BABAM2: variants seen among roughly 807,000 people sequenced by gnomAD.
The protein encoded by BABAM2 is BRISC and BRCA1 A complex member 2.
Under a neutral mutation model 54.7 loss-of-function variants are expected in BABAM2, and 31 were observed. The ratio of observed to expected loss-of-function variants is 0.57; its 90% CI spans 0.43 to 0.77. BABAM2 has a LOEUF of 0.77. BABAM2 is among the 30% of genes least tolerant of loss of function. The pLI is 0.00. For missense variants in BABAM2, 364 were observed against 455.8 expected (o/e 0.80, Z 1.83); for synonymous variants, 167 against 162.9 (o/e 1.03, Z -0.19).
At chr2:28,314,163 T>G (rs917305036) in intron 11 of BABAM2, among the ~76,000 whole-genome samples, 1 of 152,192 alleles carries the variant, frequency 6.6e-6, no homozygotes, top group African/African-American at 2.4e-5. Context: ...AATTGTAAAA[T>G]GTATTGAATA....
intron 6 of BABAM2, among the ~76,000 whole-genome samples, chr2:28,069,511 T>C (rs920807797): frequency 6.6e-6 from 1 of 152,206 alleles, no homozygotes; most frequent in African/African-American, 2.4e-5. Context: ...CTGTTTCAGA[T>C]AGGCCTTCTT....
intron 10 of BABAM2, among the ~76,000 whole-genome samples, chr2:28,269,538 G>A (rs1381535235): frequency 6.6e-6 from 1 of 152,152 alleles, no homozygotes; most frequent in Non-Finnish European, 1.5e-5. Context: ...TACCTAGTTG[G>A]GAGTGACTTT....
chr2:28,182,306 T>A (rs547972505), intron 7 of BABAM2, among the ~76,000 whole-genome samples: 1 of 152,286 alleles, frequency 6.6e-6, no homozygotes, highest in Non-Finnish European at 1.5e-5. Context: ...TGCAAGAAGA[T>A]ATTACAGGGT....
chr2:28,033,523 G>C (rs554014570), intron 5 of BABAM2, among the ~76,000 whole-genome samples: 22 of 152,144 alleles, frequency 1.4e-4, no homozygotes, highest in African/African-American at 4.3e-4. Context: ...TAGCATGCTC[G>C]CTTAGGTCAA....
At chr2:28,267,438 T>TAC (rs35450423) in intron 10 of BABAM2, among the ~76,000 whole-genome samples, 7,598 of 141,758 alleles carry the variant, frequency 0.054, 202 homozygotes, top group East Asian at 0.086. Context: ...CACACACACA[T>TAC]ACACACACAC....
intron 6 of BABAM2, among the ~76,000 whole-genome samples, chr2:28,072,888 A>G (rs890852328): frequency 3.3e-5 from 5 of 152,264 alleles, no homozygotes; most frequent in African/African-American, 7.2e-5. Context: ...CCTAGTTCCA[A>G]TAATTATCAC....
intron 7 of BABAM2, among the ~76,000 whole-genome samples, chr2:28,202,469 C>T (rs1463321681): frequency 6.6e-6 from 1 of 152,050 alleles, no homozygotes; most frequent in Non-Finnish European, 1.5e-5. Context: ...TCAAGGACTA[C>T]TTTCCTATAA....
At chr2:28,140,379 A>G (rs910593381) in intron 7 of BABAM2, among the ~76,000 whole-genome samples, 39 of 152,182 alleles carry the variant, frequency 2.6e-4, no homozygotes, top group African/African-American at 7.7e-4. Context: ...AACCTTTTAT[A>G]TGGGCATAGG....
intron 7 of BABAM2, among the ~76,000 whole-genome samples, chr2:28,150,849 A>G (rs1671958823): frequency 6.6e-6 from 1 of 152,230 alleles, no homozygotes; most frequent in Non-Finnish European, 1.5e-5. Flanking sequence ...CAGCAACTGC[A>G]GTTTCATTCT....
intron 2 of BABAM2, among the ~76,000 whole-genome samples, chr2:27,916,720 T>G (rs764997554): frequency 2.0e-5 from 3 of 152,218 alleles, no homozygotes; most frequent in Non-Finnish European, 2.9e-5. Flanking sequence ...TTCCCCTCAC[T>G]TGGCCAGATC....
chr2:28,272,934 C>T (rs1313397899), intron 10 of BABAM2, among the ~76,000 whole-genome samples: 1 of 152,180 alleles, frequency 6.6e-6, no homozygotes. Flanking sequence ...AGGCTGGGAT[C>T]TGTCTCACTG....
chr2:27,903,826 T>C (rs1270670738), intron 2 of BABAM2, among the ~76,000 whole-genome samples: 1 of 152,250 alleles, frequency 6.6e-6, no homozygotes, highest in Non-Finnish European at 1.5e-5. Flanking sequence ...GAAGATTTGT[T>C]CTTATGTTAG....
chr2:28,147,187 G>A (rs148707650), intron 7 of BABAM2, among the ~76,000 whole-genome samples: 3 of 152,340 alleles, frequency 2.0e-5, no homozygotes, highest in Non-Finnish European at 4.4e-5. Context: ...TAGGTGCCAT[G>A]ACAGGTTTAC....
chr2:28,152,529 C>T (rs1175006393), intron 7 of BABAM2, among the ~76,000 whole-genome samples: 1 of 152,032 alleles, frequency 6.6e-6, no homozygotes, highest in East Asian at 1.9e-4. Context: ...GAGTCTTCCT[C>T]GGTTTTACTG....
intron 7 of BABAM2, among the ~76,000 whole-genome samples, chr2:28,197,983 G>A (rs1266026159): frequency 2.6e-5 from 4 of 152,090 alleles, no homozygotes; most frequent in South Asian, 2.1e-4. Context: ...TGTCCAAGGC[G>A]GGAACCCCGT....
Position 28,102,978 on chromosome 2 carries a change from G to A in BABAM2, c.571-26293G>A, listed in dbSNP as rs527566248. 6.6e-5 allele frequency among the ~76,000 whole-genome samples: 10 copies of A among 152,252 alleles called. 1 individual carries two copies. The South Asian group carries it at 2.1e-3, about 32-fold the overall frequency. On this transcript the variant is annotated intron_variant, in intron 6 of 11. Transcript: ENST00000379624. ...TACAAACTGAATTATGTCAGTTTGA[G>A]TAATCTATAAACGGCCTATAGTTTT...
chr2:27,995,606 G>GTC lies in BABAM2; in HGVS notation c.300+7521_300+7522dup, dbSNP rs1027620595. ...TGTTTGTTTGTTTTTCTTAGATGGAGTCTTGCTCTGTTGCCCAGGCTAGAG... is the reference window on the plus strand; with the variant it reads ...TGTTTGTTTGTTTTTCTTAGATGGAGTCTCTTGCTCTGTTGCCCAGGCTAGAG... On this transcript the variant is annotated intron_variant, in intron 4 of 11. Coordinates refer to ENST00000379624, the MANE Select transcript of BABAM2 (RefSeq NM_199191.3). This position sits in a 1 kb window ranked among gnomAD's most constrained non-coding sequence, Gnocchi z 4.1. Among the ~76,000 whole-genome samples the GTC allele has an allele frequency of 5.3e-5, 8 of 152,090 alleles. No homozygotes were observed. Among genetic ancestry groups the GTC allele is most frequent in the African/African-American group, 1.9e-4 (8 of 41,428 alleles).
At chr2:27,936,094 A>G (rs1000774599) in intron 3 of BABAM2, among the ~76,000 whole-genome samples, 8 of 151,890 alleles carry the variant, frequency 5.3e-5, no homozygotes, top group Non-Finnish European at 1.2e-4. Context: ...TAATTTTTAT[A>G]TTTTTAGTAG....
intron 6 of BABAM2, among the ~76,000 whole-genome samples, chr2:28,096,462 G>A (rs1666635578): frequency 6.6e-6 from 1 of 151,972 alleles, no homozygotes; most frequent in Non-Finnish European, 1.5e-5. Context: ...TTGAGGGAAG[G>A]TACAGAAAGA....
Sources: gnomAD v4.1 joint callset for allele counts (sites outside exome capture counted in the v4.1 genomes callset) on GRCh38, gnomAD v4.1.1 for gene constraint, Gnocchi (gnomAD v3.1) non-coding constraint, MANE v1.5 for transcripts, NCBI Gene and HGNC (gene_info 2026-07-23, HGNC 2026-07-21) for gene names.